FBN2: variants seen among roughly 807,000 people sequenced by gnomAD.
FBN2 encodes fibrillin 2.
A neutral mutation model predicts 355.6 loss-of-function variants in FBN2; 105 were observed. That is an observed-to-expected ratio of 0.30 (90% CI 0.25 to 0.35). FBN2 has a LOEUF of 0.35. Among genes scored for constraint, FBN2 ranks in the 10% least tolerant of loss-of-function variants. The pLI, the probability that FBN2 is intolerant of heterozygous loss-of-function variation, is 1.00. For missense variants in FBN2, 3,280 were observed against 3,758.7 expected (o/e 0.87, Z 3.33); for synonymous variants, 1,350 against 1,301.2 (o/e 1.04, Z -0.81).
At chr5:128,339,652 T>G (rs865996859) in intron 25 of FBN2, among the ~76,000 whole-genome samples, 1 of 152,178 alleles carries the variant, frequency 6.6e-6, no homozygotes, top group Non-Finnish European at 1.5e-5. Context: ...TGGTATGGGC[T>G]GAATGAGGCA....
chr5:128,346,708 G>A (rs544622345), intron 23 of FBN2, among the ~76,000 whole-genome samples: 1 of 152,092 alleles, frequency 6.6e-6, no homozygotes, highest in Non-Finnish European at 1.5e-5. Context: ...GGAGACTGAG[G>A]CAGCTGGATC....
At chr5:128,389,419 T>C (rs1381062844) in intron 11 of FBN2, among the ~76,000 whole-genome samples, 1 of 152,164 alleles carries the variant, frequency 6.6e-6, no homozygotes, top group Non-Finnish European at 1.5e-5. Flanking sequence ...GAGCCCCAGA[T>C]GGGCATCTGA....
chr5:128,343,353 G>A (rs995862103), intron 25 of FBN2, among the ~76,000 whole-genome samples: 3 of 152,192 alleles, frequency 2.0e-5, no homozygotes, highest in Admixed American at 6.5e-5. Context: ...GACTGGCACA[G>A]GGCTTGAGCA....
intron 32 of FBN2, among the ~76,000 whole-genome samples, chr5:128,331,662 T>C (rs1750695615): frequency 6.6e-6 from 1 of 152,156 alleles, no homozygotes. Flanking sequence ...GAGGGGATTC[T>C]TTTAGCATTC....
intron 5 of FBN2, among the ~76,000 whole-genome samples, chr5:128,515,497 A>T (rs2127157444): frequency 6.6e-6 from 1 of 152,266 alleles, no homozygotes; most frequent in African/African-American, 2.4e-5. Context: ...TGAGTGAGTG[A>T]GAGCCCCTGA....
At chr5:128,408,213 C>A (rs1205514469) in intron 8 of FBN2, among the ~76,000 whole-genome samples, 1 of 152,010 alleles carries the variant, frequency 6.6e-6, no homozygotes, top group Admixed American at 6.5e-5. Context: ...TTGCATCTTT[C>A]TAAATAAACA....
chr5:128,306,030 C>CTCATCCCAGGGTACATGTAG, intron 42 of FBN2, 82 bp from the exon 43 acceptor site: 1 of 1,315,500 alleles, frequency 7.6e-7, no homozygotes, highest in Non-Finnish European at 1.1e-6. Flanking sequence ...GCTACATGTA[C>CTCATCCCAGGGTACATGTAG]CCTGGGATGA....
chr5:128,313,266 G>T (rs1750110302), intron 36 of FBN2, among the ~76,000 whole-genome samples: 1 of 152,078 alleles, frequency 6.6e-6, no homozygotes, highest in Admixed American at 6.5e-5. Flanking sequence ...TATCTCTACA[G>T]TTATCATCCA....
chr5:128,432,041 C>T (rs941583810), intron 7 of FBN2, among the ~76,000 whole-genome samples: 1 of 152,168 alleles, frequency 6.6e-6, no homozygotes, highest in Non-Finnish European at 1.5e-5. Context: ...ATAAATCTTA[C>T]AATAACATGT....
At chr5:128,504,852 C>T (rs566246942) in intron 5 of FBN2, among the ~76,000 whole-genome samples, 37 of 152,142 alleles carry the variant, frequency 2.4e-4, no homozygotes, top group African/African-American at 7.7e-4. Flanking sequence ...GGGAGGAGCC[C>T]GGGGCAGAAT....
At chr5:128,287,917 G>A (rs1256325316) in intron 53 of FBN2, among the ~76,000 whole-genome samples, 1 of 152,132 alleles carries the variant, frequency 6.6e-6, no homozygotes, top group Non-Finnish European at 1.5e-5. Flanking sequence ...AGCTCAAGTG[G>A]CATGACTGTA....
chr5:128,495,748 A>AGACT (rs1475563123), intron 5 of FBN2, among the ~76,000 whole-genome samples: 1 of 152,142 alleles, frequency 6.6e-6, no homozygotes, highest in African/African-American at 2.4e-5. Flanking sequence ...ACCTTTAGCT[A>AGACT]GACTGACCCC....
intron 5 of FBN2, among the ~76,000 whole-genome samples, chr5:128,465,370 A>G (rs558986079): frequency 3.9e-4 from 59 of 152,332 alleles, no homozygotes; most frequent in African/African-American, 1.4e-3. Context: ...AGCTCAGTAC[A>G]TTCACTGATG....
intron 57 of FBN2, 116 bp from the exon 58 acceptor site, chr5:128,278,121 T>C: frequency 2.0e-6 from 2 of 1,015,456 alleles, no homozygotes; most frequent in South Asian, 2.6e-5. Context: ...CAAACATTCC[T>C]AATAGCACTG....
In FBN2 at chr5:128,512,385, T is replaced by C. The variant is rs934803018; in HGVS notation, c.628+6888A>G. ...AAATATTAGCAGGGGTGGTGGCGCA[T>C]GCCTGTAATCCCAGCTACTCAGGAG... On this transcript the variant is annotated intron_variant, in intron 5 of 64. Transcript: ENST00000262464. 2.6e-5 allele frequency among the ~76,000 whole-genome samples: 4 copies of C among 151,958 alleles called. No individual in the cohort carries two copies. In the South Asian group the frequency reaches 6.3e-4, roughly 24 times the overall value.
chr5:128,465,908 G>A (rs1323409561), intron 5 of FBN2, among the ~76,000 whole-genome samples: 4 of 152,124 alleles, frequency 2.6e-5, no homozygotes, highest in Admixed American at 2.6e-4. Flanking sequence ...CACTAACCCA[G>A]GTTCTGCATT....
At chr5:128,389,656 T>A (rs1561432458) in intron 11 of FBN2, among the ~76,000 whole-genome samples, 1 of 151,968 alleles carries the variant, frequency 6.6e-6, no homozygotes, top group East Asian at 1.9e-4. Flanking sequence ...CAGGCTGGAG[T>A]CCTGTCCCTG....
At chr5:128,521,786 G>A (rs1006465942) in intron 4 of FBN2, among the ~76,000 whole-genome samples, 5 of 152,070 alleles carry the variant, frequency 3.3e-5, no homozygotes, top group Non-Finnish European at 7.4e-5. Flanking sequence ...CTTCTCCCAC[G>A]GTTTTCCAAA....
intron 41 of FBN2, 111 bp downstream of exon 41, chr5:128,309,136 T>C (rs1749964513): frequency 2.6e-6 from 3 of 1,168,608 alleles, no homozygotes; most frequent in Non-Finnish European, 3.8e-6. Flanking sequence ...CTTGGGAATT[T>C]TTGGAACTGA....
Sources: allele counts gnomAD v4.1 joint callset (sites outside exome capture counted in the v4.1 genomes callset), GRCh38; gene constraint gnomAD v4.1.1; transcripts MANE v1.5; gene names NCBI Gene and HGNC (gene_info 2026-07-23, HGNC 2026-07-21).